The following LUZP2 variants were observed in gnomAD, a reference collection of about 807,000 sequenced individuals.
LUZP2 encodes the protein leucine zipper protein 2.
In LUZP2, 52 loss-of-function variants were observed where a neutral mutation model predicts 51.6. That is an observed-to-expected ratio of 1.01 (90% confidence interval 0.81 to 1.27). The LOEUF (loss-of-function observed/expected upper bound fraction) is 1.27, where lower values mean the gene tolerates loss of function less well. Ranked by LOEUF, LUZP2 falls within the 50% of genes most tolerant of loss-of-function variation. LUZP2 has a pLI of 0.00. For missense variants in LUZP2, 436 were observed against 395.4 expected (o/e 1.10, Z -0.87); for synonymous variants, 154 against 137.3 (o/e 1.12, Z -0.85).
intron 1 of LUZP2, among the ~76,000 whole-genome samples, chr11:24,697,780 T>G (rs562592138): frequency 6.6e-6 from 1 of 152,272 alleles, no homozygotes; most frequent in East Asian, 1.9e-4. Flanking sequence ...ATCATAAGAT[T>G]TGCAACTTCT....
chr11:24,959,744 TCCTTCA>T (rs1855334875), intron 7 of LUZP2, among the ~76,000 whole-genome samples: 1 of 152,138 alleles, frequency 6.6e-6, no homozygotes, highest in Non-Finnish European at 1.5e-5. Context: ...ACCCTTTATT[TCCTTCA>T]CCTGCCTAAT....
At chr11:24,815,066 T>A (rs1393524651) in intron 5 of LUZP2, among the ~76,000 whole-genome samples, 1 of 152,078 alleles carries the variant, frequency 6.6e-6, no homozygotes, top group East Asian at 1.9e-4. Context: ...TAGAATGTCC[T>A]ATACTATATT....
intron 1 of LUZP2, among the ~76,000 whole-genome samples, chr11:24,604,488 C>G (rs1286163435): frequency 6.6e-6 from 1 of 151,670 alleles, no homozygotes; most frequent in African/African-American, 2.4e-5. Flanking sequence ...TCCTAGTATG[C>G]AATTTTTTCT....
At position 24,640,231 on chromosome 11, in the gene LUZP2, A is replaced by G. The variant is rs903060158; in HGVS notation, c.63-88938A>G. Among the ~76,000 whole-genome samples the G allele has an allele frequency of 3.9e-5, 6 of 151,924 alleles. 1 individual carries two copies. The highest frequency in any genetic ancestry group is 1.5e-4 in the African/African-American group (6 of 41,174). On this transcript the variant is annotated intron_variant, in intron 1 of 11. Coordinates refer to ENST00000336930, the MANE Select transcript of LUZP2 (RefSeq NM_001009909.4). Reference sequence around the variant, plus strand: ...AAAGTAAATGTTCTAAAAGGAGTCAAAAAGACTCCTGTGTATGTTTAGTCA... The same window carrying G: ...AAAGTAAATGTTCTAAAAGGAGTCAGAAAGACTCCTGTGTATGTTTAGTCA...
chr11:24,919,732 T>C (rs1198077658), intron 7 of LUZP2, among the ~76,000 whole-genome samples: 2 of 150,282 alleles, frequency 1.3e-5, no homozygotes, highest in Admixed American at 1.3e-4. Context: ...ACTTGAGTTA[T>C]AGTTTTTATG....
Position 24,990,435 on chromosome 11 carries a change from A to G in LUZP2, c.765+7142A>G, listed in dbSNP as rs528693937. Among the ~76,000 whole-genome samples, 80 of 152,220 alleles carry G rather than the reference A, an allele frequency of 5.3e-4. No homozygotes were observed. In the South Asian group the frequency reaches 0.012, roughly 24 times the overall value. The stretch of plus-strand genomic sequence containing the variant: ...TCAAGGACAAATCTTTAGATTTTGA[A>G]CATAATCTTGTCTCACTGATGGGGA... On this transcript the variant is annotated intron_variant, in intron 9 of 11. Transcript: ENST00000336930.
In LUZP2 at chr11:24,774,381, T is replaced by TATATATACAC. The variant is rs1184772523; in HGVS notation, c.396+11074_396+11075insTATATACACA. On this transcript the variant is annotated intron_variant, in intron 5 of 11. Transcript: ENST00000336930. ...CTCTCTCTATATATATATATATATATACATACACACACACATATTTATAAA... is the reference window on the plus strand; with the variant it reads ...CTCTCTCTATATATATATATATATATATATATACACACATACACACACACATATTTATAAA... Among the ~76,000 whole-genome samples the TATATATACAC allele has an allele frequency of 2.1e-3, 197 of 93,926 alleles. 3 individuals are homozygous for TATATATACAC. The highest frequency in any genetic ancestry group is 6.0e-3 in the African/African-American group (131 of 21,800). The allele number at this position is 93,926 out of a possible 152,430, so 61.6% of individuals were successfully genotyped here.
intron 1 of LUZP2, among the ~76,000 whole-genome samples, chr11:24,556,807 C>T (rs566324154): frequency 6.6e-6 from 1 of 152,254 alleles, no homozygotes; most frequent in East Asian, 1.9e-4. Flanking sequence ...CTCTTTCTGT[C>T]TTGCACCCTC....
chr11:24,658,305 A>G lies in LUZP2; in HGVS notation c.63-70864A>G, dbSNP rs1386761279. ...AACTATCTGATCTTTGACAAATCTG[A>G]CAAAAACAAGACATGGGGAAAGGAT... is the stretch of plus-strand genomic sequence containing the variant. On this transcript the variant is annotated intron_variant, in intron 1 of 11. Coordinates refer to ENST00000336930, the MANE Select transcript of LUZP2 (RefSeq NM_001009909.4). 2.6e-5 allele frequency among the ~76,000 whole-genome samples: 4 copies of G among 152,232 alleles called. No individual in the cohort carries two copies. The East Asian group carries it at 7.7e-4, about 29-fold the overall frequency.
chr11:24,606,743 A>C (rs1307559806), intron 1 of LUZP2, among the ~76,000 whole-genome samples: 1 of 151,980 alleles, frequency 6.6e-6, no homozygotes, highest in Non-Finnish European at 1.5e-5. Context: ...TTTCGTATTG[A>C]TTATACCAGT....
chr11:24,642,769 T>G (rs1353067051), intron 1 of LUZP2, among the ~76,000 whole-genome samples: 1 of 148,766 alleles, frequency 6.7e-6, no homozygotes, highest in Non-Finnish European at 1.5e-5. Flanking sequence ...GAGAAAGTGG[T>G]TTTTCTTTTG....
At chr11:25,030,035 T>C (rs1357722267) in intron 9 of LUZP2, among the ~76,000 whole-genome samples, 1 of 152,164 alleles carries the variant, frequency 6.6e-6, no homozygotes, top group Non-Finnish European at 1.5e-5. Flanking sequence ...ATTATTAAGA[T>C]TACTGACATT....
At chr11:24,634,465 T>C (rs916862509) in intron 1 of LUZP2, among the ~76,000 whole-genome samples, 1 of 152,092 alleles carries the variant, frequency 6.6e-6, no homozygotes, top group African/African-American at 2.4e-5. Context: ...TAAGCCAAGA[T>C]ATGCCAGCTA....
At chr11:24,970,247 T>G (rs183395880) in intron 7 of LUZP2, among the ~76,000 whole-genome samples, 1 of 152,264 alleles carries the variant, frequency 6.6e-6, no homozygotes. Flanking sequence ...TCAGTGCTTT[T>G]TTTCTGCTGT....
chr11:24,919,751 A>T (rs1024922746), intron 7 of LUZP2, among the ~76,000 whole-genome samples: 12 of 150,464 alleles, frequency 8.0e-5, no homozygotes, highest in Admixed American at 1.3e-4. Context: ...TGAAACATTT[A>T]TCTAACTATC....
intron 1 of LUZP2, among the ~76,000 whole-genome samples, chr11:24,597,345 A>G (rs188364425): frequency 6.6e-6 from 1 of 152,200 alleles, no homozygotes; most frequent in Non-Finnish European, 1.5e-5. Context: ...CTATTGATAT[A>G]CAGTAAGTCT....
intron 1 of LUZP2, among the ~76,000 whole-genome samples, chr11:24,531,139 G>C (rs955924231): frequency 1.3e-5 from 2 of 149,570 alleles, no homozygotes; most frequent in Non-Finnish European, 3.0e-5. Context: ...CATTACCCTT[G>C]TTTCTCTGTC....
At chr11:24,517,375 A>C (rs966997190) in intron 1 of LUZP2, among the ~76,000 whole-genome samples, 6 of 147,844 alleles carry the variant, frequency 4.1e-5, no homozygotes, top group Admixed American at 1.4e-4. Flanking sequence ...AGTCCCAGCT[A>C]CTCGGGAGGC....
chr11:24,802,683 A>C (rs1229536361), intron 5 of LUZP2, among the ~76,000 whole-genome samples: 1 of 151,800 alleles, frequency 6.6e-6, no homozygotes, highest in Non-Finnish European at 1.5e-5. Flanking sequence ...CCCTGGCAAC[A>C]ACCACTCTTT....
Sources: gnomAD v4.1 joint callset for allele counts (sites outside exome capture counted in the v4.1 genomes callset) on GRCh38, gnomAD v4.1.1 for gene constraint, MANE v1.5 for transcripts, NCBI Gene and HGNC (gene_info 2026-07-23, HGNC 2026-07-21) for gene names.